Variants in RAPGEF2 observed in about 807,000 individuals in gnomAD.
The protein encoded by RAPGEF2 is PDZ domain containing guanine nucleotide exchange factor (GEF) 1.
Under a neutral mutation model 186.7 loss-of-function variants are expected in RAPGEF2, and 54 were observed. That is an observed-to-expected ratio of 0.29 (90% CI 0.23 to 0.36). RAPGEF2 has a LOEUF of 0.36. RAPGEF2 is among the 10% of genes least tolerant of loss of function. The probability of loss-of-function intolerance (pLI) is 1.00; values close to 1 mark genes in which losing one functional copy is unlikely to be tolerated. For synonymous variants in RAPGEF2, 712 were observed against 705.9 expected (o/e 1.01, Z -0.14); for missense variants, 1,532 against 2,045.0 (o/e 0.75, Z 4.84).
chr4:159,283,530 A>G, intron 7 of RAPGEF2, among the ~76,000 whole-genome samples: 1 of 152,136 alleles, frequency 6.6e-6, no homozygotes, highest in South Asian at 2.1e-4. Flanking sequence ...GGAATTTCTC[A>G]TATTTTATCT....
chr4:159,237,567 A>ATAGTAATT (rs1483066724), intron 4 of RAPGEF2, among the ~76,000 whole-genome samples: 4 of 152,068 alleles, frequency 2.6e-5, no homozygotes, highest in Non-Finnish European at 5.9e-5. Context: ...CTATGACATA[A>ATAGTAATT]AGAGGATTAT....
At chr4:159,218,366 C>CT (rs1194726010) in intron 4 of RAPGEF2, among the ~76,000 whole-genome samples, 1 of 152,184 alleles carries the variant, frequency 6.6e-6, no homozygotes, top group African/African-American at 2.4e-5. Context: ...CTTATATACC[C>CT]TTTCCTCCTA....
At chr4:159,243,295 A>G (rs1385620977) in intron 6 of RAPGEF2, among the ~76,000 whole-genome samples, 3 of 151,918 alleles carry the variant, frequency 2.0e-5, no homozygotes, top group African/African-American at 4.8e-5. Flanking sequence ...CAACATGGTC[A>G]TAAGGATTGC....
At chr4:159,228,054 G>A (rs1222486534) in intron 4 of RAPGEF2, among the ~76,000 whole-genome samples, 1 of 152,202 alleles carries the variant, frequency 6.6e-6, no homozygotes, top group African/African-American at 2.4e-5. Flanking sequence ...TGAATTAATA[G>A]AAATTGATAA....
chr4:159,199,398 A>G (rs551518225), intron 3 of RAPGEF2, among the ~76,000 whole-genome samples: 3 of 152,296 alleles, frequency 2.0e-5, no homozygotes, highest in South Asian at 4.1e-4. Context: ...TCATGAGGGT[A>G]GGGACTATGT....
intron 7 of RAPGEF2, among the ~76,000 whole-genome samples, chr4:159,277,612 G>A (rs1437837206): frequency 6.6e-6 from 1 of 152,154 alleles, no homozygotes. Flanking sequence ...TTTAATGATT[G>A]CCATTCTAAC....
chr4:159,254,392 G>T (rs551235613), intron 7 of RAPGEF2, among the ~76,000 whole-genome samples: 11 of 152,224 alleles, frequency 7.2e-5, no homozygotes, highest in African/African-American at 2.6e-4. Context: ...AAGAGTCTTG[G>T]GGACCCTCAG....
chr4:159,324,151 T>C (rs1016656285), intron 11 of RAPGEF2, among the ~76,000 whole-genome samples: 3 of 152,110 alleles, frequency 2.0e-5, no homozygotes, highest in African/African-American at 7.2e-5. Context: ...TGCCTCAGCC[T>C]CCCAAAGTGC....
chr4:159,265,711 T>A (rs1757351679), intron 7 of RAPGEF2, among the ~76,000 whole-genome samples: 1 of 152,078 alleles, frequency 6.6e-6, no homozygotes, highest in Non-Finnish European at 1.5e-5. Flanking sequence ...CAGGAGGTGG[T>A]ATGGTAAATA....
intron 1 of RAPGEF2, among the ~76,000 whole-genome samples, chr4:159,120,432 A>G (rs1224881181): frequency 6.6e-6 from 1 of 152,226 alleles, no homozygotes; most frequent in Non-Finnish European, 1.5e-5. Flanking sequence ...TTATGTCTTT[A>G]AGAAAAATAG....
At chr4:159,155,556 T>C (rs995086348) in intron 1 of RAPGEF2, among the ~76,000 whole-genome samples, 3 of 152,236 alleles carry the variant, frequency 2.0e-5, no homozygotes, top group African/African-American at 4.8e-5. Context: ...GTGGGACCAG[T>C]ACTGAGCATT....
intron 1 of RAPGEF2, among the ~76,000 whole-genome samples, chr4:159,128,325 C>A (rs1236743972): frequency 1.3e-5 from 2 of 152,072 alleles, no homozygotes; most frequent in Non-Finnish European, 2.9e-5. Flanking sequence ...TTCATTGGAT[C>A]TTAGTTTTCT....
chr4:159,352,526 T>C, intron 26 of RAPGEF2, 159 bp from the exon 27 acceptor site: 1 of 599,258 alleles, frequency 1.7e-6, no homozygotes. Context: ...ATAAAACATT[T>C]GTCTCTTAGT....
Position 159,104,019 on chromosome 4 carries a change from C to T in RAPGEF2, c.-144C>T, listed in dbSNP as rs562537042. 158 of 224,634 alleles carry T rather than the reference C, an allele frequency of 7.0e-4. 1 individual carries two copies. The highest frequency in any genetic ancestry group is 2.8e-3 in the Admixed American group (42 of 15,182). 13.9% of individuals were successfully genotyped at this position (224,634 alleles called of 1,614,324 possible). On this transcript the variant is annotated 5_prime_UTR_variant, in exon 1 of 30. Coordinates refer to ENST00000691494, the MANE Select transcript of RAPGEF2 (RefSeq NM_001394067.2). ...CCAGCCGAGCCGCCCCCCCGCGGGCCCCGCGCCGCCGCCGCCGCGGTTTGG... is the reference window on the plus strand; with the variant it reads ...CCAGCCGAGCCGCCCCCCCGCGGGCTCCGCGCCGCCGCCGCCGCGGTTTGG...
chr4:159,108,631 T>C (rs1037766545), intron 1 of RAPGEF2, among the ~76,000 whole-genome samples: 2 of 152,110 alleles, frequency 1.3e-5, no homozygotes, highest in Admixed American at 6.5e-5. Context: ...AAAAAACTTA[T>C]TTGGGTAGAT....
intron 1 of RAPGEF2, among the ~76,000 whole-genome samples, chr4:159,134,876 T>C (rs1741547916): frequency 6.6e-6 from 1 of 152,238 alleles, no homozygotes; most frequent in African/African-American, 2.4e-5. Context: ...CTATCCCTTC[T>C]GTCCTAAGCA....
chr4:159,219,354 T>G (rs1397170346), intron 4 of RAPGEF2, among the ~76,000 whole-genome samples: 1 of 132,040 alleles, frequency 7.6e-6, no homozygotes, highest in Non-Finnish European at 1.6e-5. Flanking sequence ...ATCCTTTTTT[T>G]TTTTTTTTTT....
intron 8 of RAPGEF2, among the ~76,000 whole-genome samples, chr4:159,311,017 C>T (rs904103760): frequency 1.3e-5 from 2 of 151,760 alleles, no homozygotes; most frequent in Admixed American, 6.6e-5. Context: ...TTGAGAATGT[C>T]GAGCAAAGTG....
intron 2 of RAPGEF2, among the ~76,000 whole-genome samples, chr4:159,191,935 G>A (rs1169348903): frequency 1.3e-5 from 2 of 152,158 alleles, no homozygotes; most frequent in African/African-American, 4.8e-5. Flanking sequence ...CATGGAGAAG[G>A]AGGTAAGCTT....
Sources: gnomAD v4.1 joint callset for allele counts (sites outside exome capture counted in the v4.1 genomes callset) on GRCh38, gnomAD v4.1.1 for gene constraint, MANE v1.5 for transcripts, NCBI Gene and HGNC (gene_info 2026-07-23, HGNC 2026-07-21) for gene names.